The following VTI1A variants were observed in gnomAD, a reference collection of about 807,000 sequenced individuals.
VTI1A encodes the protein vesicle transport through interaction with t-SNAREs homolog 1A.
VTI1A carries 22 observed loss-of-function variants against 34.9 expected under a neutral mutation model. The observed-to-expected ratio is 0.63, with a 90% confidence interval of 0.45 to 0.90. The LOEUF (loss-of-function observed/expected upper bound fraction) is 0.90. Among genes scored for constraint, VTI1A ranks in the 40% least tolerant of loss-of-function variants. The pLI is 0.00. For synonymous variants in VTI1A, 87 were observed against 97.3 expected (o/e 0.89, Z 0.62); for missense variants, 268 against 275.6 (o/e 0.97, Z 0.20).
At position 112,629,977 on chromosome 10, in the gene VTI1A, A is replaced by G. The variant is rs542125360; in HGVS notation, c.428-38241A>G. On this transcript the variant is annotated intron_variant, in intron 5 of 7. Transcript: ENST00000393077. Reference sequence around the variant, plus strand: ...GTATTTAAAAAAAATATGGTTTTATAGTATTAAAACTGAGAGTAGAGTTGA... The same window carrying G: ...GTATTTAAAAAAAATATGGTTTTATGGTATTAAAACTGAGAGTAGAGTTGA... 2.4e-4 allele frequency among the ~76,000 whole-genome samples: 36 copies of G among 152,344 alleles called. No homozygotes were observed. In the East Asian group the frequency reaches 5.2e-3, roughly 22 times the overall value.
At chr10:112,558,752 C>T (rs143030389) in intron 5 of VTI1A, among the ~76,000 whole-genome samples, 1 of 152,196 alleles carries the variant, frequency 6.6e-6, no homozygotes. Flanking sequence ...GACACACACT[C>T]TCTCTCGATT....
At chr10:112,853,553 T>A in the VTI1A span, among the ~76,000 whole-genome samples, 1 of 152,184 alleles carries the variant, frequency 6.6e-6, no homozygotes, top group African/African-American at 2.4e-5. Context: ...CAAAAGGTAA[T>A]GGACTGTACC....
At chr10:112,544,289 G>A (rs1043810071) in intron 5 of VTI1A, among the ~76,000 whole-genome samples, 1 of 152,224 alleles carries the variant, frequency 6.6e-6, no homozygotes, top group Non-Finnish European at 1.5e-5. Flanking sequence ...GGAGTGCCAT[G>A]ATGCAATCTT....
Position 112,816,284 on chromosome 10 carries a change from A to G in VTI1A, c.*901A>G, listed in dbSNP as rs1853520227. ...ATACATTCCAGTATGTAAAGAGACC[A>G]TGAATATTTCAGTAAGAGCAAGAAC... is the stretch of plus-strand genomic sequence containing the variant. On this transcript the variant is annotated 3_prime_UTR_variant, in exon 8 of 8. Coordinates refer to ENST00000393077, the MANE Select transcript of VTI1A (RefSeq NM_145206.4). The G allele has an allele frequency of 9.3e-6, 2 of 216,060 alleles. No homozygotes were observed. The highest frequency in any genetic ancestry group is 1.4e-3 in the Middle Eastern group (1 of 690). 13.4% of individuals were successfully genotyped at this position (216,060 alleles called of 1,614,324 possible).
At position 112,457,004 on chromosome 10, in the gene VTI1A, G is replaced by C. The variant is rs182191732; in HGVS notation, c.95-3520G>C. Among the ~76,000 whole-genome samples, 719 of 152,290 alleles carry C rather than the reference G, an allele frequency of 4.7e-3. 5 individuals carry two copies. The highest frequency in any genetic ancestry group is 7.0e-3 in the Non-Finnish European group (475 of 68,032). ...TATCTTTTTTGAATTAGTTTAGCCAGAATCACTTCTGTCGCATTCAGCCAA... is the reference window on the plus strand; with the variant it reads ...TATCTTTTTTGAATTAGTTTAGCCACAATCACTTCTGTCGCATTCAGCCAA... On this transcript the variant is annotated intron_variant, in intron 1 of 7. Coordinates refer to ENST00000393077, the MANE Select transcript of VTI1A (RefSeq NM_145206.4).
At chr10:112,649,537 G>T (rs1165476527) in intron 5 of VTI1A, among the ~76,000 whole-genome samples, 2 of 152,126 alleles carry the variant, frequency 1.3e-5, no homozygotes, top group Admixed American at 1.3e-4. Flanking sequence ...GCTTTCTTAT[G>T]ATTCTCTTCA....
intron 3 of VTI1A, among the ~76,000 whole-genome samples, chr10:112,514,986 T>C (rs1421303242): frequency 6.6e-6 from 1 of 152,028 alleles, no homozygotes; most frequent in Non-Finnish European, 1.5e-5. Context: ...TACAGAATTT[T>C]GCAAGCACTA....
In VTI1A at chr10:112,450,779, T is replaced by C. The variant is rs565822778; in HGVS notation, c.94+3312T>C. The C allele has an allele frequency of 1.2e-4, 18 of 152,350 alleles. No homozygotes were observed. The South Asian group carries it at 1.2e-3, about 11-fold the overall frequency. 9.4% of individuals were successfully genotyped at this position (152,350 alleles called of 1,614,324 possible). On this transcript the variant is annotated intron_variant, in intron 1 of 7. Coordinates refer to ENST00000393077, the MANE Select transcript of VTI1A (RefSeq NM_145206.4). The stretch of plus-strand genomic sequence containing the variant: ...ATTGAACTGAGATGGGTGAGTTCTT[T>C]CTTAATACCCTATGGCACTATATTT...
At chr10:112,558,197 G>A (rs964212724) in intron 5 of VTI1A, among the ~76,000 whole-genome samples, 1 of 152,144 alleles carries the variant, frequency 6.6e-6, no homozygotes, top group African/African-American at 2.4e-5. Context: ...AAATCACAGT[G>A]TATGGCAGTG....
At chr10:112,643,935 C>A (rs1413860902) in intron 5 of VTI1A, among the ~76,000 whole-genome samples, 1 of 151,710 alleles carries the variant, frequency 6.6e-6, no homozygotes, top group East Asian at 1.9e-4. Flanking sequence ...AAGTGAATGG[C>A]CAGAAACACC....
chr10:112,823,311 T>G (rs2134105059), downstream of VTI1A, among the ~76,000 whole-genome samples: 1 of 152,228 alleles, frequency 6.6e-6, no homozygotes, highest in South Asian at 2.1e-4. Context: ...CTTGGAGGAT[T>G]TTTTCCTCCT....
intron 7 of VTI1A, among the ~76,000 whole-genome samples, chr10:112,781,651 G>C (rs985098825): frequency 1.2e-4 from 18 of 151,782 alleles, no homozygotes; most frequent in Non-Finnish European, 1.8e-4. Context: ...GACCAGCCTG[G>C]CCAACATGGT....
the VTI1A span, among the ~76,000 whole-genome samples, chr10:112,853,213 C>T: frequency 0.72 from 109,764 of 152,070 alleles, 39,999 homozygotes; most frequent in Middle Eastern, 0.82. Context: ...CTCACTATTT[C>T]GCCTGCAATC....
the VTI1A span, among the ~76,000 whole-genome samples, chr10:112,842,216 T>C: frequency 6.6e-6 from 1 of 152,056 alleles, no homozygotes; most frequent in African/African-American, 2.4e-5. Context: ...GGAAAAGTGA[T>C]AGGGTTTCCA....
intron 7 of VTI1A, chr10:112,737,327 C>A: frequency 9.8e-7 from 1 of 1,022,680 alleles, no homozygotes. Flanking sequence ...TGTGAGCCAC[C>A]GTGCCCAACC....
At chr10:112,473,051 C>T (rs893006432) in intron 3 of VTI1A, among the ~76,000 whole-genome samples, 7 of 149,870 alleles carry the variant, frequency 4.7e-5, no homozygotes, top group Non-Finnish European at 1.0e-4. Context: ...TCCCCTTCTC[C>T]CTTGCATAAT....
intron 7 of VTI1A, among the ~76,000 whole-genome samples, chr10:112,791,150 G>C (rs1401468193): frequency 1.3e-5 from 2 of 152,298 alleles, no homozygotes; most frequent in East Asian, 3.9e-4. Flanking sequence ...CAACAGGTGG[G>C]ACCTGTTTTT....
Position 112,815,612 on chromosome 10 carries a change from G to T in VTI1A, c.*229G>T. On this transcript the variant is annotated 3_prime_UTR_variant, in exon 8 of 8. Coordinates refer to ENST00000393077, the MANE Select transcript of VTI1A (RefSeq NM_145206.4). ...CTTCACCCAGATTCGTTTTTTAGAG[G>T]GGAAGGTGAATGTTTATTTACCTTT... The T allele has an allele frequency of 1.8e-6, 1 of 546,058 alleles. No homozygotes were observed. The highest frequency in any genetic ancestry group is 3.3e-6 in the Non-Finnish European group (1 of 303,864). 33.8% of individuals were successfully genotyped at this position (546,058 alleles called of 1,614,324 possible). A position where few individuals can be genotyped will look rare whatever the true frequency, so the allele number is the denominator to read the frequency against.
chr10:112,460,721 A>T, intron 2 of VTI1A, 139 bp downstream of exon 2: 1 of 609,916 alleles, frequency 1.6e-6, no homozygotes, highest in South Asian at 5.2e-5. Context: ...GTCAATTTTT[A>T]AATTGAAGAG....
Sources: gnomAD v4.1 joint callset for allele counts (sites outside exome capture counted in the v4.1 genomes callset) on GRCh38, gnomAD v4.1.1 for gene constraint, MANE v1.5 for transcripts, NCBI Gene and HGNC (gene_info 2026-07-23, HGNC 2026-07-21) for gene names.